Variants in TDRD3 observed in about 807,000 individuals in gnomAD.
The protein encoded by TDRD3 is tudor domain containing 3.
Under a neutral mutation model 86.7 loss-of-function variants are expected in TDRD3, and 45 were observed. The observed-to-expected ratio is 0.52, with a 90% CI of 0.41 to 0.67. TDRD3 has a LOEUF of 0.67. TDRD3 is among the 30% of genes least tolerant of loss of function. TDRD3 has a pLI of 0.00. For missense variants in TDRD3, 814 were observed against 889.0 expected, an observed-to-expected ratio of 0.92 and a Z score of 1.07; for synonymous variants, 298 against 301.7, an observed-to-expected ratio of 0.99 and a Z score of 0.13.
At chr13:60,459,948 A>G (rs1490576538) in intron 3 of TDRD3, among the ~76,000 whole-genome samples, 3 of 152,104 alleles carry the variant, frequency 2.0e-5, no homozygotes, top group Non-Finnish European at 2.9e-5. Context: ...GATTGCTGCC[A>G]TAAATTTGAT....
At chr13:60,433,732 TC>T (rs1476909842) in intron 1 of TDRD3, among the ~76,000 whole-genome samples, 2 of 152,220 alleles carry the variant, frequency 1.3e-5, no homozygotes, top group African/African-American at 4.8e-5. Context: ...AAAAATCAAA[TC>T]TGACGCAGTA....
chr13:60,513,820 T>G (rs1003217160), intron 10 of TDRD3, among the ~76,000 whole-genome samples: 1 of 152,230 alleles, frequency 6.6e-6, no homozygotes, highest in Admixed American at 6.5e-5. Context: ...TGTGGAACTA[T>G]AAGTCCCATA....
intron 1 of TDRD3, among the ~76,000 whole-genome samples, chr13:60,401,614 A>G (rs966383130): frequency 6.6e-6 from 1 of 152,250 alleles, no homozygotes; most frequent in South Asian, 2.1e-4. Flanking sequence ...CTGAAAGAAC[A>G]TGTAGTCTTA....
chr13:60,538,023 A>G (rs1957735182), intron 12 of TDRD3: 1 of 152,054 alleles, frequency 6.6e-6, no homozygotes, highest in Admixed American at 6.6e-5. Context: ...ATATGAAGTG[A>G]CTCGATGACT....
At chr13:60,466,435 C>T (rs1386319901) in intron 4 of TDRD3, among the ~76,000 whole-genome samples, 1 of 152,052 alleles carries the variant, frequency 6.6e-6, no homozygotes, top group Admixed American at 6.6e-5. Flanking sequence ...TTATTGTCCA[C>T]CTTTTTTTTT....
intron 1 of TDRD3, among the ~76,000 whole-genome samples, chr13:60,411,122 C>T (rs773717932): frequency 1.3e-5 from 2 of 152,136 alleles, no homozygotes; most frequent in South Asian, 2.1e-4. Flanking sequence ...AACACAGACA[C>T]CTGCCATAGT....
At chr13:60,517,529 C>G (rs963476124) in intron 10 of TDRD3, among the ~76,000 whole-genome samples, 1 of 152,188 alleles carries the variant, frequency 6.6e-6, no homozygotes. Flanking sequence ...GTAAAGTCAT[C>G]AACTGCCAGC....
chr13:60,405,614 T>C (rs1185624264), intron 1 of TDRD3, among the ~76,000 whole-genome samples: 7 of 152,064 alleles, frequency 4.6e-5, no homozygotes, highest in African/African-American at 9.7e-5. Flanking sequence ...AATACAAACA[T>C]CTGAAGGACC....
chr13:60,546,303 A>C (rs1027403577), intron 12 of TDRD3, among the ~76,000 whole-genome samples: 1 of 152,160 alleles, frequency 6.6e-6, no homozygotes, highest in African/African-American at 2.4e-5. Flanking sequence ...ATTCTTTAGA[A>C]ATTAGCAAGG....
At chr13:60,510,794 TTTTC>T (rs1384028591) in intron 10 of TDRD3, 39 bp downstream of exon 10, 13 of 1,492,506 alleles carry the variant, frequency 8.7e-6, no homozygotes, top group African/African-American at 2.9e-5. Flanking sequence ...TTTTTCTTTC[TTTTC>T]TTTCTTTTTT....
intron 12 of TDRD3, chr13:60,537,797 C>A (rs780084085): frequency 1.3e-5 from 2 of 151,826 alleles, no homozygotes; most frequent in African/African-American, 4.8e-5. Flanking sequence ...GGTATTGTAT[C>A]TTTCATTAAG....
chr13:60,564,106 G>T (rs968514833), intron 12 of TDRD3, among the ~76,000 whole-genome samples: 1 of 152,178 alleles, frequency 6.6e-6, no homozygotes, highest in Non-Finnish European at 1.5e-5. Flanking sequence ...CTCATATTGA[G>T]TATTAGTTAT....
At chr13:60,539,311 A>G (rs1957763110) in intron 12 of TDRD3, among the ~76,000 whole-genome samples, 1 of 152,102 alleles carries the variant, frequency 6.6e-6, no homozygotes, top group Non-Finnish European at 1.5e-5. Context: ...AGAAAGTCAT[A>G]GTTTTTATTA....
chr13:60,512,404 C>T (rs1464233821), intron 10 of TDRD3, among the ~76,000 whole-genome samples: 1 of 151,982 alleles, frequency 6.6e-6, no homozygotes, highest in Non-Finnish European at 1.5e-5. Context: ...ATATCATGTC[C>T]TCACATTTCA....
chr13:60,446,408 A>G (rs955015949), intron 3 of TDRD3, among the ~76,000 whole-genome samples: 1 of 151,944 alleles, frequency 6.6e-6, no homozygotes, highest in Non-Finnish European at 1.5e-5. Context: ...TGTATTTTTT[A>G]GTAGAGATGG....
chr13:60,565,106 A>G (rs144675154), intron 12 of TDRD3, among the ~76,000 whole-genome samples: 2 of 119,370 alleles, frequency 1.7e-5, no homozygotes, highest in African/African-American at 6.5e-5. Context: ...CCCAGGCCGG[A>G]GTGCCGTGGC....
At chr13:60,409,990 G>A (rs1443149565) in intron 1 of TDRD3, among the ~76,000 whole-genome samples, 1 of 152,130 alleles carries the variant, frequency 6.6e-6, no homozygotes, top group Non-Finnish European at 1.5e-5. Context: ...TTGAATCATG[G>A]GGGCCAGTCT....
intron 13 of TDRD3, among the ~76,000 whole-genome samples, chr13:60,571,731 C>T (rs1958590070): frequency 6.6e-6 from 1 of 151,980 alleles, no homozygotes; most frequent in Non-Finnish European, 1.5e-5. Context: ...GATCCCCTTC[C>T]CCCAACCCTC....
intron 12 of TDRD3, among the ~76,000 whole-genome samples, chr13:60,553,482 C>T (rs1305774698): frequency 6.6e-6 from 1 of 151,740 alleles, no homozygotes; most frequent in Non-Finnish European, 1.5e-5. Flanking sequence ...CTGCTGGTAC[C>T]AATTCTCTGT....
Sources: gnomAD v4.1 joint callset for allele counts (sites outside exome capture counted in the v4.1 genomes callset) on GRCh38, gnomAD v4.1.1 for gene constraint, MANE v1.5 for transcripts, NCBI Gene and HGNC (gene_info 2026-07-23, HGNC 2026-07-21) for gene names.